ANK2: variants seen among roughly 807,000 people sequenced by gnomAD.
ANK2 encodes ankyrin-2.
A neutral mutation model predicts 360.5 loss-of-function variants in ANK2; 83 were observed. That is an observed-to-expected ratio of 0.23 (90% confidence interval 0.19 to 0.28). The LOEUF (loss-of-function observed/expected upper bound fraction) is 0.28. Among genes scored for constraint, ANK2 ranks in the 10% least tolerant of loss-of-function variants. The pLI is 1.00. For missense variants in ANK2, 4,201 were observed against 4,795.7 expected (o/e 0.88, Z 3.66); for synonymous variants, 1,740 against 1,759.5 (o/e 0.99, Z 0.28).
intron 4 of ANK2, among the ~76,000 whole-genome samples, chr4:113,219,615 T>C (rs1042721747): frequency 7.2e-5 from 11 of 152,318 alleles, no homozygotes; most frequent in Non-Finnish European, 1.2e-4. Flanking sequence ...ATTTACTTTC[T>C]TACTGAAAAT....
chr4:112,888,802 T>C (rs2079120438), intron 1 of ANK2, among the ~76,000 whole-genome samples: 2 of 152,188 alleles, frequency 1.3e-5, no homozygotes, highest in African/African-American at 4.8e-5. Context: ...AATGGCGAAG[T>C]CTTTTCAAAC....
intron 4 of ANK2, among the ~76,000 whole-genome samples, chr4:113,201,921 T>C (rs2098835559): frequency 6.6e-6 from 1 of 152,204 alleles, no homozygotes; most frequent in Admixed American, 6.5e-5. Context: ...ATAATCCTAT[T>C]TGTAATTTAT....
intron 1 of ANK2, among the ~76,000 whole-genome samples, chr4:113,159,828 G>T (rs970140075): frequency 6.6e-6 from 1 of 151,560 alleles, no homozygotes; most frequent in Non-Finnish European, 1.5e-5. Flanking sequence ...CACTATGTTG[G>T]CCAGGCTGGT....
intron 18 of ANK2, among the ~76,000 whole-genome samples, chr4:113,287,141 T>G (rs1362630588): frequency 6.6e-6 from 1 of 152,254 alleles, no homozygotes; most frequent in African/African-American, 2.4e-5. Context: ...AAAGTTTTTC[T>G]GAACTCATTT....
rs192733358 is a variant in ANK2 at position 113,123,286 on chromosome 4, A to G, written c.85-51130A>G. Among the ~76,000 whole-genome samples, 80 of 152,226 alleles carry G rather than the reference A, an allele frequency of 5.3e-4. 1 individual carries two copies. Among genetic ancestry groups the G allele is most frequent in the African/African-American group, 1.8e-3 (73 of 41,570 alleles). On this transcript the variant is annotated intron_variant, in intron 1 of 45. Coordinates refer to ENST00000357077, the MANE Select transcript of ANK2 (RefSeq NM_001148.6). The stretch of plus-strand genomic sequence containing the variant: ...TCCCCTTATTCACCAATTGATTAAA[A>G]ATAATGATATTTACACTATATTTTG...
the ANK2 span, among the ~76,000 whole-genome samples, chr4:112,770,414 A>G: frequency 1.3e-5 from 2 of 152,296 alleles, no homozygotes; most frequent in East Asian, 1.9e-4. Context: ...TATCAGATTT[A>G]TGTGCATTAG....
chr4:113,302,027 C>T (rs2075267200), intron 22 of ANK2, among the ~76,000 whole-genome samples: 1 of 152,164 alleles, frequency 6.6e-6, no homozygotes. Flanking sequence ...AAGTACTTTT[C>T]TATCCTTTAC....
At chr4:112,729,380 G>T in the ANK2 span, among the ~76,000 whole-genome samples, 13 of 152,144 alleles carry the variant, frequency 8.5e-5, no homozygotes, top group Admixed American at 3.3e-4. Context: ...AGTTATAGAT[G>T]CATGCCTATG....
chr4:112,754,248 A>G, the ANK2 span, among the ~76,000 whole-genome samples: 2 of 150,594 alleles, frequency 1.3e-5, no homozygotes, highest in African/African-American at 4.9e-5. Context: ...TTACTGTGGC[A>G]TGTCCTCTGC....
chr4:113,121,924 T>C lies in ANK2; in HGVS notation c.85-52492T>C, dbSNP rs570736637. Among the ~76,000 whole-genome samples, 5 of 152,304 alleles carry C rather than the reference T, an allele frequency of 3.3e-5. No individual in the cohort carries two copies. In the East Asian group the frequency reaches 5.8e-4, roughly 18 times the overall value. On this transcript the variant is annotated intron_variant, in intron 1 of 45. Coordinates refer to ENST00000357077, the MANE Select transcript of ANK2 (RefSeq NM_001148.6). ...TAATTGATAGCAATGATAATACTTA[T>C]TGAGTATATATAATAAAGTTCTCAT...
At chr4:113,214,370 A>G (rs1410716339) in intron 4 of ANK2, 2 of 915,880 alleles carry the variant, frequency 2.2e-6, no homozygotes, top group East Asian at 2.5e-5. Flanking sequence ...TGGCACGACC[A>G]TTGTTCCTTC....
rs552224500 is a variant in ANK2, at chr4:112,899,712, C to T, written c.-39-4743C>T. On this transcript the variant is annotated intron_variant, in intron 1 of 30. Transcript: ENST00000503271. ...CTTTTCATCAATCCATCCCTGTAGCCAGAGCAAATTTTCAAATATTAAACT... is the reference window on the plus strand; with the variant it reads ...CTTTTCATCAATCCATCCCTGTAGCTAGAGCAAATTTTCAAATATTAAACT... 1.5e-4 allele frequency among the ~76,000 whole-genome samples: 23 copies of T among 152,252 alleles called. 1 individual carries two copies. In the South Asian group the frequency reaches 4.6e-3, roughly 30 times the overall value.
intron 3 of ANK2, among the ~76,000 whole-genome samples, 181 bp from the exon 4 acceptor site, chr4:113,198,830 A>C (rs547902657): frequency 2.6e-5 from 4 of 152,124 alleles, no homozygotes; most frequent in African/African-American, 4.8e-5. Context: ...ACACTATATG[A>C]GGTGGCCAAT....
chr4:112,870,135 A>G (rs1209951127), intron 1 of ANK2, among the ~76,000 whole-genome samples: 1 of 151,966 alleles, frequency 6.6e-6, no homozygotes, highest in Non-Finnish European at 1.5e-5. Context: ...AGTAGCTGGG[A>G]CTACAGGTGC....
intron 32 of ANK2, 152 bp downstream of exon 32, chr4:113,339,474 T>A (rs1260832689): frequency 1.4e-6 from 1 of 689,932 alleles, no homozygotes; most frequent in Non-Finnish European, 2.5e-6. Context: ...TTAAACTAGA[T>A]CTGTCAGCAA....
chr4:113,015,547 G>T (rs2056376243), intron 2 of ANK2, among the ~76,000 whole-genome samples: 1 of 152,102 alleles, frequency 6.6e-6, no homozygotes, highest in Non-Finnish European at 1.5e-5. Context: ...ATTAGTATTA[G>T]TTTTCCTTTT....
At chr4:113,286,776 G>A (rs2064830465) in intron 18 of ANK2, among the ~76,000 whole-genome samples, 1 of 152,140 alleles carries the variant, frequency 6.6e-6, no homozygotes, top group Non-Finnish European at 1.5e-5. Flanking sequence ...AGGCTAGAAT[G>A]TAAGCTCCAT....
At position 113,354,623 on chromosome 4, in the gene ANK2, A is replaced by T; in HGVS notation, c.6005A>T (p.Asp2002Val). The T allele has an allele frequency of 2.5e-6, 4 of 1,614,110 alleles. No homozygotes were observed. Among genetic ancestry groups the T allele is most frequent in the Non-Finnish European group, 2.5e-6 (3 of 1,179,994 alleles). ...ELMKAFQSGQ[D>V]PSKHKTGLFE... ...ATGAAGGCTTTCCAGTCAGGTCAGG[A>T]CCCTTCTAAACATAAAACTGGACTC... is the stretch of plus-strand genomic sequence containing the variant. Residue 2002 changes from aspartate to valine, a missense_variant, in exon 38 of 46, where the codon GAC (aspartate) becomes GTC (valine). Transcript: ENST00000357077.
At chr4:112,898,564 A>T (rs2082376265) in intron 1 of ANK2, among the ~76,000 whole-genome samples, 1 of 152,216 alleles carries the variant, frequency 6.6e-6, no homozygotes, top group Non-Finnish European at 1.5e-5. Flanking sequence ...AACTCTGGTC[A>T]CTTGGCTGAC....
Sources: gnomAD v4.1 joint callset for allele counts (sites outside exome capture counted in the v4.1 genomes callset) on GRCh38, gnomAD v4.1.1 for gene constraint, MANE v1.5 for transcripts, NCBI Gene and HGNC (gene_info 2026-07-23, HGNC 2026-07-21) for gene names.